ARL8B: variants seen among roughly 807,000 people sequenced by gnomAD.
The protein encoded by ARL8B is ADP-ribosylation factor-like protein 8B.
Under a neutral mutation model 30.6 loss-of-function variants are expected in ARL8B, and 9 were observed. The ratio of observed to expected loss-of-function variants is 0.29; its 90% CI spans 0.18 to 0.51. The LOEUF (loss-of-function observed/expected upper bound fraction) is 0.51. Ranked by LOEUF, ARL8B falls within the 20% of genes least tolerant of loss-of-function variation. The probability of loss-of-function intolerance (pLI) is 0.97; values close to 1 mark genes in which losing one functional copy is unlikely to be tolerated. For synonymous variants in ARL8B, 74 were observed against 76.0 expected (o/e 0.97, Z 0.14); for missense variants, 130 against 227.2 (o/e 0.57, Z 2.75).
At chr3:5,175,221 T>C (rs1218260744) in intron 6 of ARL8B, among the ~76,000 whole-genome samples, 3 of 152,206 alleles carry the variant, frequency 2.0e-5, no homozygotes, top group Non-Finnish European at 4.4e-5. Context: ...AAAAATAGTT[T>C]TGTTATACAC....
chr3:5,122,735 C>A, intron 1 of ARL8B, 147 bp downstream of exon 1: 1 of 954,794 alleles, frequency 1.0e-6, no homozygotes, highest in South Asian at 1.8e-5. Context: ...CTCCCGAGGG[C>A]CAGCATTTGG....
chr3:5,135,363 C>G (rs1348570098), intron 1 of ARL8B, among the ~76,000 whole-genome samples: 1 of 150,510 alleles, frequency 6.6e-6, no homozygotes, highest in Non-Finnish European at 1.5e-5. Context: ...TCACTGCAAC[C>G]TCTGCCTTCT....
chr3:5,180,372 G>A lies in ARL8B; in HGVS notation c.*1659G>A, dbSNP rs993007385. 2 of 152,186 alleles carry A rather than the reference G, an allele frequency of 1.3e-5. No homozygotes were observed. The highest frequency in any genetic ancestry group is 4.8e-5 in the African/African-American group (2 of 41,436). 9.4% of individuals were successfully genotyped at this position (152,186 alleles called of 1,614,324 possible). On this transcript the variant is annotated 3_prime_UTR_variant, in exon 7 of 7. Transcript: ENST00000256496. ...GGGATGGATGGTTCTGTAAATGAAG[G>A]GATATTTAAACTTGCTACTGTTGTT...
At position 5,179,333 on chromosome 3, in the gene ARL8B, T is replaced by G. The variant is rs1277311020; in HGVS notation, c.*620T>G. On this transcript the variant is annotated 3_prime_UTR_variant, in exon 7 of 7. Coordinates refer to ENST00000256496, the MANE Select transcript of ARL8B (RefSeq NM_018184.3). ...GATCAATGTTGGTTCTTTGCACTGG[T>G]GAGATTCTGCCTGATGAATATTAAA... The G allele has an allele frequency of 6.6e-6, 1 of 152,316 alleles. No homozygotes were observed. The highest frequency in any genetic ancestry group is 1.9e-4 in the East Asian group (1 of 5,204). 9.4% of individuals were successfully genotyped at this position (152,316 alleles called of 1,614,324 possible). A position where few individuals can be genotyped will look rare whatever the true frequency, so the allele number is the denominator to read the frequency against.
At chr3:5,172,273 A>G (rs2054683428) in intron 3 of ARL8B, 50 bp downstream of exon 3, 1 of 1,497,976 alleles carries the variant, frequency 6.7e-7, no homozygotes, top group Non-Finnish European at 9.2e-7. Flanking sequence ...GTAGGCATCA[A>G]AGAAGAAAGT....
chr3:5,169,073 T>C (rs149618627), intron 1 of ARL8B, among the ~76,000 whole-genome samples: 1 of 152,292 alleles, frequency 6.6e-6, no homozygotes, highest in African/African-American at 2.4e-5. Flanking sequence ...TGATGACTAG[T>C]TTTTTAAAAA....
At chr3:5,168,207 G>A (rs943115435) in intron 1 of ARL8B, among the ~76,000 whole-genome samples, 3 of 152,136 alleles carry the variant, frequency 2.0e-5, no homozygotes, top group Non-Finnish European at 2.9e-5. Context: ...CCTAGTAGCT[G>A]GGACTACAGG....
chr3:5,151,004 T>C (rs952194692), intron 1 of ARL8B, among the ~76,000 whole-genome samples: 7 of 152,212 alleles, frequency 4.6e-5, no homozygotes, highest in African/African-American at 1.7e-4. Flanking sequence ...TTTATAGTAT[T>C]CTCTTATTTA....
At position 5,122,337 on chromosome 3, in the gene ARL8B, G is replaced by A; in HGVS notation, c.-129G>A. On this transcript the variant is annotated 5_prime_UTR_variant, in exon 1 of 7. It adds an upstream start codon to the 5' untranslated region. Transcript: ENST00000256496. ...TGGGTCTGGCTGCTGCCGCCCGCCG[G>A]TGTCCGCCCGTGTCGCGCCGGGGCA... is the stretch of plus-strand genomic sequence containing the variant. 3.2e-6 allele frequency: 5 copies of A among 1,538,774 alleles called. No homozygotes were observed. Among genetic ancestry groups the A allele is most frequent in the Non-Finnish European group, 4.4e-6 (5 of 1,144,132 alleles).
intron 1 of ARL8B, among the ~76,000 whole-genome samples, chr3:5,132,398 T>G (rs2054290660): frequency 6.6e-6 from 1 of 152,050 alleles, no homozygotes; most frequent in Non-Finnish European, 1.5e-5. Flanking sequence ...CACCATGCCC[T>G]GCTAATTTTT....
chr3:5,125,096 G>T (rs148732173), intron 1 of ARL8B, among the ~76,000 whole-genome samples: 18 of 152,232 alleles, frequency 1.2e-4, no homozygotes, highest in African/African-American at 3.6e-4. Context: ...TTTGAAATCT[G>T]GCTCTGCCGC....
At chr3:5,150,675 C>T (rs2054474977) in intron 1 of ARL8B, among the ~76,000 whole-genome samples, 1 of 152,076 alleles carries the variant, frequency 6.6e-6, no homozygotes, top group Non-Finnish European at 1.5e-5. Context: ...CCCAGCTACT[C>T]AGGAGGCTGA....
chr3:5,125,418 G>A (rs2054221660), intron 1 of ARL8B, among the ~76,000 whole-genome samples: 1 of 152,076 alleles, frequency 6.6e-6, no homozygotes, highest in African/African-American at 2.4e-5. Context: ...ATTGGGGAAA[G>A]TAATCGCATC....
intron 1 of ARL8B, among the ~76,000 whole-genome samples, chr3:5,144,949 T>G (rs188747733): frequency 6.6e-6 from 1 of 152,204 alleles, no homozygotes; most frequent in Non-Finnish European, 1.5e-5. Context: ...ATATAGTGCC[T>G]TCTTGGCCTT....
chr3:5,169,779 A>T (rs2054655196), intron 1 of ARL8B, among the ~76,000 whole-genome samples: 1 of 152,236 alleles, frequency 6.6e-6, no homozygotes, highest in Admixed American at 6.5e-5. Flanking sequence ...CCTGAGAATT[A>T]TAATGTCTTA....
chr3:5,158,346 A>G (rs1022261519), intron 1 of ARL8B, among the ~76,000 whole-genome samples: 1 of 152,210 alleles, frequency 6.6e-6, no homozygotes, highest in Non-Finnish European at 1.5e-5. Context: ...AATGGTATTC[A>G]GTGGAAGGAA....
chr3:5,128,254 C>T (rs1434173851), intron 1 of ARL8B, among the ~76,000 whole-genome samples: 3 of 151,468 alleles, frequency 2.0e-5, no homozygotes, highest in Non-Finnish European at 4.4e-5. Flanking sequence ...TGGCAAAAAC[C>T]ATTTTTAAAG....
At chr3:5,169,303 G>GT (rs879601140) in intron 1 of ARL8B, among the ~76,000 whole-genome samples, 1 of 119,070 alleles carries the variant, frequency 8.4e-6, no homozygotes, top group Non-Finnish European at 1.7e-5. Flanking sequence ...GAAATACAGT[G>GT]TTTGTGTGTG....
rs117795108 is a variant in ARL8B at position 5,125,231 on chromosome 3, A to C, written c.123+2643A>C. On this transcript the variant is annotated intron_variant, in intron 1 of 6. Transcript: ENST00000256496. ...GAAAGATGTTAAGTGGCTAGCACTC[A>C]TACTGGCCCACAGAAGGGGATAGGT... Among the ~76,000 whole-genome samples, 22 of 152,306 alleles carry C rather than the reference A, an allele frequency of 1.4e-4. No individual in the cohort carries two copies. In the South Asian group the frequency reaches 3.7e-3, roughly 26 times the overall value.
Sources: allele counts gnomAD v4.1 joint callset (sites outside exome capture counted in the v4.1 genomes callset), GRCh38; gene constraint gnomAD v4.1.1; transcripts MANE v1.5; gene names NCBI Gene and HGNC (gene_info 2026-07-23, HGNC 2026-07-21).